Variants in ROBO2 observed in about 807,000 individuals in gnomAD.
ROBO2 encodes roundabout homolog 2.
Under a neutral mutation model 160.8 loss-of-function variants are expected in ROBO2, and 53 were observed. The ratio of observed to expected loss-of-function variants is 0.33; its 90% CI spans 0.26 to 0.41. ROBO2 has a LOEUF of 0.41. Among genes scored for constraint, ROBO2 ranks in the 10% least tolerant of loss-of-function variants. The pLI, the probability that ROBO2 is intolerant of heterozygous loss-of-function variation, is 1.00. For synonymous variants in ROBO2, 664 were observed against 611.7 expected (o/e 1.09, Z -1.26); for missense variants, 1,577 against 1,722.4 (o/e 0.92, Z 1.49).
At chr3:76,933,886 G>A (rs1049131574) in intron 2 of ROBO2, among the ~76,000 whole-genome samples, 12 of 152,114 alleles carry the variant, frequency 7.9e-5, no homozygotes, top group African/African-American at 1.9e-4. Context: ...CTATCATAAA[G>A]ACACAATTCT....
chr3:76,606,452 G>C (rs1404294409), intron 2 of ROBO2, among the ~76,000 whole-genome samples: 1 of 152,146 alleles, frequency 6.6e-6, no homozygotes, highest in Non-Finnish European at 1.5e-5. Flanking sequence ...CTGTGGAATA[G>C]AAATAGATTG....
chr3:77,384,962 A>C (rs2073945493), intron 2 of ROBO2, among the ~76,000 whole-genome samples: 1 of 152,190 alleles, frequency 6.6e-6, no homozygotes, highest in African/African-American at 2.4e-5. Context: ...CTGCAAAACA[A>C]AAACACTCTG....
chr3:77,336,906 A>T (rs2066553167), intron 2 of ROBO2, among the ~76,000 whole-genome samples: 1 of 152,246 alleles, frequency 6.6e-6, no homozygotes, highest in Admixed American at 6.5e-5. Context: ...TAGTGAGGAA[A>T]AAAGGAAGAC....
At chr3:77,250,108 CTAGATTGCTTCA>C (rs750071863) in intron 2 of ROBO2, among the ~76,000 whole-genome samples, 1 of 152,084 alleles carries the variant, frequency 6.6e-6, no homozygotes, top group Non-Finnish European at 1.5e-5. Flanking sequence ...AACCTCCTAC[CTAGATTGCTTCA>C]ACTGCAATTC....
intron 2 of ROBO2, among the ~76,000 whole-genome samples, chr3:76,099,388 C>A (rs950628378): frequency 5.7e-5 from 5 of 87,136 alleles, no homozygotes; most frequent in African/African-American, 1.2e-4. Context: ...CATAGATCTG[C>A]ATTTTGTGCT....
At chr3:76,757,439 G>C (rs1356698325) in intron 2 of ROBO2, among the ~76,000 whole-genome samples, 2 of 151,762 alleles carry the variant, frequency 1.3e-5, no homozygotes. Context: ...TGAGTTACAG[G>C]GTTTTCGTGT....
chr3:76,055,082 G>A (rs142324466), intron 2 of ROBO2, among the ~76,000 whole-genome samples: 13 of 152,260 alleles, frequency 8.5e-5, no homozygotes, highest in Admixed American at 7.2e-4. Flanking sequence ...GGCTGAAGGC[G>A]AATGAGGAGC....
intron 2 of ROBO2, among the ~76,000 whole-genome samples, chr3:77,474,395 A>G (rs1450109041): frequency 1.3e-5 from 2 of 152,134 alleles, no homozygotes; most frequent in Non-Finnish European, 2.9e-5. Context: ...ATCAGAGGCA[A>G]AGGGGACGCT....
chr3:77,279,995 T>G (rs988369728), intron 2 of ROBO2, among the ~76,000 whole-genome samples: 2 of 152,140 alleles, frequency 1.3e-5, no homozygotes, highest in African/African-American at 4.8e-5. Context: ...TTCTTAACAA[T>G]TTTTTAGGTA....
chr3:76,788,547 C>T (rs898123826), intron 2 of ROBO2, among the ~76,000 whole-genome samples: 1 of 151,424 alleles, frequency 6.6e-6, no homozygotes, highest in African/African-American at 2.4e-5. Context: ...GTAGATATTA[C>T]CAAATTTGTA....
In ROBO2 at chr3:76,163,609, G is replaced by A. The variant is rs1180751960; in HGVS notation, c.109+226007G>A. 2.0e-5 allele frequency among the ~76,000 whole-genome samples: 3 copies of A among 150,966 alleles called. No homozygotes were observed. The East Asian group carries it at 5.8e-4, about 29-fold the overall frequency. Reference sequence around the variant, plus strand: ...AAATATTGCAGGTTTGGTTTCAGACGACTATAATAAAGTGAATATTGCAAT... The same window carrying A: ...AAATATTGCAGGTTTGGTTTCAGACAACTATAATAAAGTGAATATTGCAAT... On this transcript the variant is annotated intron_variant, in intron 2 of 26. Transcript: ENST00000487694.
At chr3:77,490,386 G>A (rs950545885) in intron 4 of ROBO2, among the ~76,000 whole-genome samples, 4 of 152,088 alleles carry the variant, frequency 2.6e-5, no homozygotes, top group African/African-American at 4.8e-5. Flanking sequence ...CACCACGCCC[G>A]GCCTGTATTT....
intron 2 of ROBO2, among the ~76,000 whole-genome samples, chr3:76,599,424 A>G (rs2086961069): frequency 6.6e-6 from 1 of 152,164 alleles, no homozygotes; most frequent in African/African-American, 2.4e-5. Flanking sequence ...TTATGGCTGC[A>G]TAGTATTCCA....
At chr3:76,368,945 G>C (rs2075967610) in intron 2 of ROBO2, among the ~76,000 whole-genome samples, 1 of 151,960 alleles carries the variant, frequency 6.6e-6, no homozygotes, top group Non-Finnish European at 1.5e-5. Context: ...TGTAGAAAAT[G>C]TTAGTCTACT....
chr3:76,439,385 C>G (rs2076821698), intron 2 of ROBO2, among the ~76,000 whole-genome samples: 1 of 145,278 alleles, frequency 6.9e-6, no homozygotes, highest in Non-Finnish European at 1.5e-5. Flanking sequence ...AGTGGGAAAA[C>G]AGAAACAAAT....
At chr3:76,572,788 G>C (rs1449836845) in intron 2 of ROBO2, among the ~76,000 whole-genome samples, 1 of 152,094 alleles carries the variant, frequency 6.6e-6, no homozygotes, top group East Asian at 1.9e-4. Context: ...CCCCTTGAGG[G>C]AATATTGCAA....
intron 2 of ROBO2, among the ~76,000 whole-genome samples, chr3:76,344,674 C>A (rs1315109017): frequency 6.6e-6 from 1 of 152,054 alleles, no homozygotes; most frequent in Non-Finnish European, 1.5e-5. Context: ...AGCCTAAAGA[C>A]AGAAATTAAT....
intron 2 of ROBO2, among the ~76,000 whole-genome samples, chr3:75,962,787 G>C (rs182258440): frequency 2.0e-5 from 3 of 151,762 alleles, no homozygotes; most frequent in Admixed American, 2.0e-4. Context: ...GTGAAAATAC[G>C]TGTGCTTTTA....
At chr3:77,237,183 C>CTTTT (rs34992972) in intron 2 of ROBO2, among the ~76,000 whole-genome samples, 12 of 107,108 alleles carry the variant, frequency 1.1e-4, no homozygotes, top group South Asian at 3.4e-4. Context: ...CTTGACCTTT[C>CTTTT]TTTTTTTTTT....
Sources: allele counts gnomAD v4.1 joint callset (sites outside exome capture counted in the v4.1 genomes callset), GRCh38; gene constraint gnomAD v4.1.1; transcripts MANE v1.5; gene names NCBI Gene and HGNC (gene_info 2026-07-23, HGNC 2026-07-21).